KIAA1210: variants seen among roughly 807,000 people sequenced by gnomAD.
The protein encoded by KIAA1210 is KIAA1210.
A neutral mutation model predicts 78.9 loss-of-function variants in KIAA1210; 48 were observed. That is an observed-to-expected ratio of 0.61 (90% CI 0.48 to 0.77). The LOEUF is 0.77. Ranked by LOEUF, KIAA1210 falls within the 30% of genes least tolerant of loss-of-function variation. The pLI is 0.00. For missense variants in KIAA1210, 1,108 were observed against 1,100.0 expected, an observed-to-expected ratio of 1.01 and a Z score of -0.10; for synonymous variants, 406 against 404.5, an observed-to-expected ratio of 1.00 and a Z score of -0.04.
intron 1 of KIAA1210, among the ~76,000 whole-genome samples, chrX:119,125,735 A>ATATAT (rs5903546): frequency 2.5e-4 from 4 of 15,806 alleles, no homozygotes; most frequent in African/African-American, 1.0e-3. Context: ...ATATATATAT[A>ATATAT]TTTTTTTTTT....
intron 8 of KIAA1210, among the ~76,000 whole-genome samples, chrX:119,091,130 T>C (rs970140275): frequency 2.7e-5 from 3 of 112,409 alleles, no homozygotes; most frequent in Non-Finnish European, 3.8e-5. Context: ...TGAAAAATGC[T>C]CAATGTCACT....
intron 1 of KIAA1210, among the ~76,000 whole-genome samples, chrX:119,148,426 CACCCCACAATT>C (rs1929218363): frequency 8.9e-6 from 1 of 111,774 alleles, no homozygotes; most frequent in African/African-American, 3.3e-5. Context: ...CATTGTCACC[CACCCCACAATT>C]ACAGGGTCTT....
intron 3 of KIAA1210, among the ~76,000 whole-genome samples, chrX:119,116,154 A>G (rs1453499378): frequency 8.9e-6 from 1 of 111,933 alleles, no homozygotes; most frequent in East Asian, 2.8e-4. Context: ...TCAGCTCCTC[A>G]TTGGCTGCAG....
In KIAA1210 at chrX:119,088,027, C is replaced by T; in HGVS notation, c.2675G>A (p.Ser892Asn). The T allele has an allele frequency of 8.3e-7, 1 of 1,211,152 alleles. No individual in the cohort carries two copies. The highest frequency in any genetic ancestry group is 1.1e-6 in the Non-Finnish European group (1 of 895,316). Reference sequence around the variant, plus strand: ...AGGACTGCTCCATTCTGCAGAAGTACTCATTGAGTCCAGGAACTTAGGCCT... The same window carrying T: ...AGGACTGCTCCATTCTGCAGAAGTATTCATTGAGTCCAGGAACTTAGGCCT... The part of the protein sequence containing the change: ...SERPKFLDSM[S>N]TSAEWSSPVA... Residue 892 changes from serine (S) to asparagine (N), a missense_variant, in exon 9 of 12, where the codon AGT becomes AAT. By Grantham distance (46) the Ser-to-Asn change is conservative. Around this residue, in one of 5 missense-constraint regions of KIAA1210, gnomAD observed 179 missense variants for 174.1 expected, o/e 1.03. Coordinates refer to ENST00000691062, the MANE Select transcript of KIAA1210 (RefSeq NM_001394962.1).
Position 119,108,948 on chromosome X carries a change from G to A in KIAA1210, c.357+128C>T, listed in dbSNP as rs891808954. On this transcript the variant is annotated intron_variant, in intron 4 of 11. Coordinates refer to ENST00000691062, the MANE Select transcript of KIAA1210 (RefSeq NM_001394962.1). ...ATTCTGTCACTCAAGGCTTACAACA[G>A]CCCTGTGGGGGTAGGATCAGCTGAG... is the stretch of plus-strand genomic sequence containing the variant. 6.1e-5 allele frequency: 39 copies of A among 636,904 alleles called. No homozygotes were observed. The South Asian group carries it at 9.8e-4, about 16-fold the overall frequency. The allele number at this position is 636,904 out of a possible 1,213,427, so 52.5% of individuals were successfully genotyped here. A position where few individuals can be genotyped will look rare whatever the true frequency, so the allele number is the denominator to read the frequency against.
intron 2 of KIAA1210, among the ~76,000 whole-genome samples, chrX:119,145,244 C>T (rs1005813128): frequency 3.6e-5 from 4 of 110,792 alleles, no homozygotes; most frequent in African/African-American, 6.6e-5. Flanking sequence ...CTCATAATCT[C>T]GGCATGATTG....
chrX:119,131,271 A>T, upstream of KIAA1210, among the ~76,000 whole-genome samples: 1 of 112,003 alleles, frequency 8.9e-6, no homozygotes, highest in Non-Finnish European at 1.9e-5. Context: ...GTGTGGGTGG[A>T]CCTAACCTAA....
intron 1 of KIAA1210, among the ~76,000 whole-genome samples, chrX:119,149,491 G>A (rs1045050447): frequency 7.2e-5 from 8 of 111,471 alleles, no homozygotes; most frequent in Admixed American, 6.7e-4. Flanking sequence ...CTTGCAATGA[G>A]TGAGGTGGGT....
intron 9 of KIAA1210, among the ~76,000 whole-genome samples, 172 bp downstream of exon 9, chrX:119,086,374 A>G (rs958515709): frequency 9.0e-5 from 10 of 111,673 alleles, no homozygotes; most frequent in African/African-American, 2.6e-4. Flanking sequence ...CTACCTCCAA[A>G]TCTATTAAAT....
chrX:119,123,926 T>G (rs1040181905), intron 1 of KIAA1210, among the ~76,000 whole-genome samples: 2 of 111,757 alleles, frequency 1.8e-5, no homozygotes, highest in Admixed American at 1.9e-4. Context: ...TTTGTTTTGT[T>G]TTGTTTTGGT....
At chrX:119,110,704 C>A (rs941496706) in intron 3 of KIAA1210, among the ~76,000 whole-genome samples, 1 of 111,107 alleles carries the variant, frequency 9.0e-6, no homozygotes, top group African/African-American at 3.3e-5. Context: ...ACAATAGCAA[C>A]AAAAGAATAA....
chrX:119,130,797 A>G (rs188067957), upstream of KIAA1210, among the ~76,000 whole-genome samples: 9 of 112,326 alleles, frequency 8.0e-5, no homozygotes, highest in East Asian at 2.5e-3. Flanking sequence ...AAACATAGTC[A>G]TGTAATAATG....
chrX:119,089,323 G>C lies in KIAA1210; in HGVS notation c.1379C>G (p.Pro460Arg). ...FGSRKASAAQ[P>R]IPENMDNSMV... ...GGAATTGTCCATGTTTTCAGGTATGGGCTGTGCTGCTGATGCTTTTCTGGA... is the reference window on the plus strand; with the variant it reads ...GGAATTGTCCATGTTTTCAGGTATGCGCTGTGCTGCTGATGCTTTTCTGGA... Residue 460 changes from proline (P) to arginine (R), a missense_variant, in exon 9 of 12, where the codon CCC (proline) becomes CGC (arginine). Physicochemically the swap from Pro to Arg is moderately radical, Grantham distance 103 (BLOSUM62 -2). Transcript: ENST00000691062. 8.3e-7 allele frequency: 1 copy of C among 1,211,413 alleles called. No homozygotes were observed. The highest frequency in any genetic ancestry group is 2.2e-5 in the Admixed American group (1 of 46,059).
intron 6 of KIAA1210, among the ~76,000 whole-genome samples, chrX:119,100,742 C>T (rs1313323872): frequency 8.9e-6 from 1 of 111,801 alleles, no homozygotes; most frequent in Non-Finnish European, 1.9e-5. Flanking sequence ...CCCACTCTTC[C>T]AAATCTCCAA....
intron 10 of KIAA1210, among the ~76,000 whole-genome samples, chrX:119,084,891 C>A (rs1226268713): frequency 8.9e-6 from 1 of 112,037 alleles, no homozygotes; most frequent in African/African-American, 3.2e-5. Context: ...CCCCCGCACA[C>A]ACACTTTTGA....
intron 2 of KIAA1210, among the ~76,000 whole-genome samples, chrX:119,123,141 C>T (rs1928519476): frequency 8.9e-6 from 1 of 112,339 alleles, no homozygotes; most frequent in Non-Finnish European, 1.9e-5. Flanking sequence ...AATGGATACA[C>T]GAGTAAGTTT....
At chrX:119,104,557 G>A (rs945933099) in intron 6 of KIAA1210, among the ~76,000 whole-genome samples, 3 of 111,903 alleles carry the variant, frequency 2.7e-5, no homozygotes, top group Non-Finnish European at 5.6e-5. Flanking sequence ...TACGCTGATT[G>A]ATATTATCTG....
intron 2 of KIAA1210, among the ~76,000 whole-genome samples, chrX:119,143,610 T>C (rs1226668355): frequency 8.9e-6 from 1 of 112,413 alleles, no homozygotes; most frequent in Admixed American, 9.4e-5. Context: ...CCCTTTCCTC[T>C]TCTCCAGAAA....
chrX:119,092,733 C>G (rs922941083), intron 8 of KIAA1210, among the ~76,000 whole-genome samples: 14 of 105,496 alleles, frequency 1.3e-4, no homozygotes, highest in Admixed American at 9.4e-4. Flanking sequence ...TGCACTCCAG[C>G]CTGGGTGACA....
Sources: allele counts gnomAD v4.1 joint callset (sites outside exome capture counted in the v4.1 genomes callset), GRCh38; gene constraint gnomAD v4.1.1; regional missense constraint gnomAD v4.1.1; transcripts MANE v1.5; gene names NCBI Gene and HGNC (gene_info 2026-07-23, HGNC 2026-07-21).